The following UNC5C variants were observed in gnomAD, a reference collection of about 807,000 sequenced individuals.
The protein encoded by UNC5C is unc-5 netrin receptor C.
UNC5C carries 47 observed loss-of-function variants against 99.8 expected under a neutral mutation model. The ratio of observed to expected loss-of-function variants is 0.47; its 90% CI spans 0.37 to 0.60. The LOEUF (loss-of-function observed/expected upper bound fraction) is 0.60, where lower values mean the gene tolerates loss of function less well. Ranked by LOEUF, UNC5C falls within the 20% of genes least tolerant of loss-of-function variation. UNC5C has a pLI of 0.00. For synonymous variants in UNC5C, 487 were observed against 452.2 expected (o/e 1.08, Z -0.98); for missense variants, 1,062 against 1,165.9 (o/e 0.91, Z 1.30).
intron 1 of UNC5C, among the ~76,000 whole-genome samples, chr4:95,353,998 A>T (rs1744079798): frequency 6.6e-6 from 1 of 152,148 alleles, no homozygotes; most frequent in South Asian, 2.1e-4. Context: ...AACCTTCAAA[A>T]TCAAAGGATT....
chr4:95,291,545 G>A (rs528119572), intron 3 of UNC5C, among the ~76,000 whole-genome samples: 95 of 152,114 alleles, frequency 6.2e-4, no homozygotes, highest in Non-Finnish European at 7.4e-5. Context: ...CTATGAATTC[G>A]TTGTCTACCT....
chr4:95,463,957 A>T (rs1747691489), intron 1 of UNC5C, among the ~76,000 whole-genome samples: 1 of 152,242 alleles, frequency 6.6e-6, no homozygotes, highest in Admixed American at 6.5e-5. Context: ...ATAATGAAGC[A>T]TTTTAATAAA....
At chr4:95,353,231 C>G (rs1744051308) in intron 1 of UNC5C, among the ~76,000 whole-genome samples, 1 of 152,074 alleles carries the variant, frequency 6.6e-6, no homozygotes, top group South Asian at 2.1e-4. Flanking sequence ...CTGCAGTCAG[C>G]TCTACCACAC....
At chr4:95,334,230 G>A (rs1317710130) in intron 2 of UNC5C, among the ~76,000 whole-genome samples, 1 of 151,976 alleles carries the variant, frequency 6.6e-6, no homozygotes, top group Non-Finnish European at 1.5e-5. Flanking sequence ...TCTTGTCGGA[G>A]ATCTTGAAAG....
chr4:95,269,030 T>A lies in UNC5C; in HGVS notation c.594+9229A>T, dbSNP rs116309242. 1.2e-3 allele frequency among the ~76,000 whole-genome samples: 183 copies of A among 152,382 alleles called. 1 individual carries two copies. Among genetic ancestry groups the A allele is most frequent in the African/African-American group, 4.1e-3 (172 of 41,596 alleles). ...CTAGTAGCTGGGAATCTGCCAAGTT[T>A]TACTGACTGGTTTGGAAGTGACAAA... On this transcript the variant is annotated intron_variant, in intron 4 of 15. Coordinates refer to ENST00000453304, the MANE Select transcript of UNC5C (RefSeq NM_003728.4).
chr4:95,170,427 A>G, intron 14 of UNC5C, 95 bp from the exon 15 acceptor site: 1 of 1,397,608 alleles, frequency 7.2e-7, no homozygotes, highest in Non-Finnish European at 9.8e-7. Flanking sequence ...TTTGAGTGAT[A>G]AGAAAAGAAT....
rs539999619 is a variant in UNC5C, at chr4:95,274,970, G to A, written c.594+3289C>T. Among the ~76,000 whole-genome samples, 18 of 151,970 alleles carry A rather than the reference G, an allele frequency of 1.2e-4. No individual in the cohort carries two copies. The South Asian group carries it at 3.7e-3, about 32-fold the overall frequency. ...GAACCCGGGAGGTGGAGGTTGCAGT[G>A]AGCCAAGATCACGCCACTGCACTCC... is the stretch of plus-strand genomic sequence containing the variant. On this transcript the variant is annotated intron_variant, in intron 4 of 15. Coordinates refer to ENST00000453304, the MANE Select transcript of UNC5C (RefSeq NM_003728.4).
chr4:95,425,476 C>G (rs1258146138), intron 1 of UNC5C, among the ~76,000 whole-genome samples: 1 of 152,212 alleles, frequency 6.6e-6, no homozygotes, highest in Non-Finnish European at 1.5e-5. Flanking sequence ...CGCTCGCCAC[C>G]ACGCCCAGCT....
chr4:95,171,566 A>G (rs1217312384), intron 14 of UNC5C, among the ~76,000 whole-genome samples: 1 of 152,024 alleles, frequency 6.6e-6, no homozygotes, highest in African/African-American at 2.4e-5. Flanking sequence ...AAGGACATGA[A>G]CTCATCCTTT....
chr4:95,342,761 C>T (rs889026305), intron 1 of UNC5C, among the ~76,000 whole-genome samples: 1 of 150,724 alleles, frequency 6.6e-6, no homozygotes, highest in African/African-American at 2.4e-5. Context: ...TCTTGGATGG[C>T]ATTTCTGAAA....
intron 1 of UNC5C, among the ~76,000 whole-genome samples, chr4:95,528,473 C>A: frequency 6.6e-6 from 1 of 152,096 alleles, no homozygotes; most frequent in East Asian, 1.9e-4. Context: ...ACCAATGAGA[C>A]CATTACTCAA....
At chr4:95,415,184 C>T (rs1017280387) in intron 1 of UNC5C, among the ~76,000 whole-genome samples, 36 of 152,054 alleles carry the variant, frequency 2.4e-4, no homozygotes, top group African/African-American at 8.5e-4. Context: ...TTCTAAAATT[C>T]TAGGCATGCA....
chr4:95,499,908 T>G (rs1721735654), intron 1 of UNC5C, among the ~76,000 whole-genome samples: 1 of 152,008 alleles, frequency 6.6e-6, no homozygotes, highest in Non-Finnish European at 1.5e-5. Context: ...TTCAGGGAGG[T>G]TAACTGTCTA....
chr4:95,448,225 T>TGAGAGAGAGAGAGAGAGAGAGAGAGAGA (rs1260024385), intron 1 of UNC5C, among the ~76,000 whole-genome samples: 27 of 105,728 alleles, frequency 2.6e-4, no homozygotes, highest in Non-Finnish European at 4.5e-4. Flanking sequence ...TGTGTGTGTG[T>TGAGAGAGAGAGAGAGAGAGAGAGAGAGA]GTGAGAGAGA....
intron 10 of UNC5C, among the ~76,000 whole-genome samples, chr4:95,207,444 T>C (rs1204754892): frequency 6.6e-6 from 1 of 152,208 alleles, no homozygotes; most frequent in East Asian, 1.9e-4. Context: ...GCAGATTCTT[T>C]ATTCTTATAT....
chr4:95,345,783 A>C (rs1310551280), intron 1 of UNC5C, among the ~76,000 whole-genome samples: 1 of 152,012 alleles, frequency 6.6e-6, no homozygotes, highest in Non-Finnish European at 1.5e-5. Flanking sequence ...TTAAAAAGTA[A>C]ATTTAAAAAT....
chr4:95,209,524 T>A (rs1738003459), intron 10 of UNC5C, among the ~76,000 whole-genome samples: 1 of 152,230 alleles, frequency 6.6e-6, no homozygotes, highest in South Asian at 2.1e-4. Flanking sequence ...CTACTTTTAG[T>A]CTTTTAATAG....
chr4:95,481,319 T>C (rs1721145998), intron 1 of UNC5C, among the ~76,000 whole-genome samples: 1 of 152,040 alleles, frequency 6.6e-6, no homozygotes, highest in African/African-American at 2.4e-5. Context: ...GAAGGACCTC[T>C]TCAAGGAGAA....
intron 1 of UNC5C, among the ~76,000 whole-genome samples, chr4:95,396,871 A>G (rs1226317531): frequency 6.6e-6 from 1 of 152,192 alleles, no homozygotes; most frequent in African/African-American, 2.4e-5. Context: ...TTTAATCTTC[A>G]TGAATGCTTT....
Sources: gnomAD v4.1 joint callset for allele counts (sites outside exome capture counted in the v4.1 genomes callset) on GRCh38, gnomAD v4.1.1 for gene constraint, MANE v1.5 for transcripts, NCBI Gene and HGNC (gene_info 2026-07-23, HGNC 2026-07-21) for gene names.